The following ZFHX4 variants were observed in gnomAD, a reference collection of about 807,000 sequenced individuals.
ZFHX4 encodes the protein zinc finger homeobox protein 4.
In ZFHX4, 56 loss-of-function variants were observed where a neutral mutation model predicts 267.6. The observed-to-expected ratio is 0.21, with a 90% confidence interval of 0.17 to 0.26. ZFHX4 has a LOEUF of 0.26. Ranked by LOEUF, ZFHX4 falls within the 10% of genes least tolerant of loss-of-function variation. ZFHX4 has a pLI of 1.00. For synonymous variants in ZFHX4, 1,778 were observed against 1,665.6 expected, an observed-to-expected ratio of 1.07 and a Z score of -1.64; for missense variants, 4,332 against 4,420.0, an observed-to-expected ratio of 0.98 and a Z score of 0.56.
intron 10 of ZFHX4, among the ~76,000 whole-genome samples, chr8:76,862,347 G>T (rs13256114): frequency 1.3e-5 from 2 of 152,002 alleles, no homozygotes; most frequent in Admixed American, 1.3e-4. Flanking sequence ...ATGTTTTGGG[G>T]GTGGTAAAGT....
At chr8:76,731,508 C>T (rs749729234) in intron 3 of ZFHX4, among the ~76,000 whole-genome samples, 2 of 152,006 alleles carry the variant, frequency 1.3e-5, no homozygotes, top group African/African-American at 4.8e-5. Context: ...GACTGTGATG[C>T]GATGCAGCTA....
At chr8:76,683,912 G>T (rs1376908200) in intron 1 of ZFHX4, 2 of 151,870 alleles carry the variant, frequency 1.3e-5, no homozygotes, top group East Asian at 3.9e-4. Flanking sequence ...AGTGACACGG[G>T]CATCGATCGC....
At position 76,710,236 on chromosome 8, in the gene ZFHX4, T is replaced by C. The variant is rs555140847; in HGVS notation, c.3093+2188T>C. On this transcript the variant is annotated intron_variant, in intron 3 of 10. Coordinates refer to ENST00000651372, the MANE Select transcript of ZFHX4 (RefSeq NM_024721.5). ...GCTATTGAGACTTGGTATTAGAAAATTGAACTTTATTCTTTTGCATTTTCT... is the reference window on the plus strand; with the variant it reads ...GCTATTGAGACTTGGTATTAGAAAACTGAACTTTATTCTTTTGCATTTTCT... 5.3e-5 allele frequency among the ~76,000 whole-genome samples: 8 copies of C among 152,282 alleles called. No homozygotes were observed. In the East Asian group the frequency reaches 9.7e-4, roughly 18 times the overall value.
At chr8:76,779,764 T>G (rs1810500484) in intron 4 of ZFHX4, among the ~76,000 whole-genome samples, 1 of 152,172 alleles carries the variant, frequency 6.6e-6, no homozygotes, top group South Asian at 2.1e-4. Flanking sequence ...ATGACTGGGC[T>G]GCGTGCCACG....
At chr8:76,697,777 C>G (rs139731537) in intron 1 of ZFHX4, among the ~76,000 whole-genome samples, 1,555 of 151,942 alleles carry the variant, frequency 0.01, 12 homozygotes, top group Middle Eastern at 0.044. Flanking sequence ...ATCATAGTAC[C>G]TGATTGATTT....
Position 76,749,793 on chromosome 8 carries a change from C to T in ZFHX4, c.3094-28415C>T, listed in dbSNP as rs190860698. Among the ~76,000 whole-genome samples, 47 of 152,176 alleles carry T rather than the reference C, an allele frequency of 3.1e-4. No homozygotes were observed. The East Asian group carries it at 3.5e-3, about 11-fold the overall frequency. ...TGAGGATAGAGTAGGATTTATTGAG[C>T]GGAGCTAATTGCTAATTCAACACAA... is the stretch of plus-strand genomic sequence containing the variant. On this transcript the variant is annotated intron_variant, in intron 3 of 10. Transcript: ENST00000651372.
intron 1 of ZFHX4, among the ~76,000 whole-genome samples, chr8:76,690,076 T>C (rs999212417): frequency 6.6e-6 from 1 of 152,100 alleles, no homozygotes; most frequent in African/African-American, 2.4e-5. Context: ...CTAATGTTTG[T>C]CTGACTTGAG....
rs1046065179 is a variant in ZFHX4, at chr8:76,852,807, G to T, written c.5886G>T (p.Lys1962Asn). 1 of 1,613,662 alleles carries T rather than the reference G, an allele frequency of 6.2e-7. No homozygotes were observed. The highest frequency in any genetic ancestry group is 1.3e-5 in the African/African-American group (1 of 75,008). Residue 1962 changes from lysine to asparagine, a missense_variant, in exon 10 of 11, where the codon AAG (lysine) becomes AAT (asparagine). Transcript: ENST00000651372. ...TGTTTTCCAATGTTCTTATTTTAAA[G>T]AGTCACCAAGAACATGTACATGGGC... ...GKLFSNVLIL[K>N]SHQEHVHGQF...
Position 76,854,462 on chromosome 8 carries a change from T to C in ZFHX4, c.7541T>C (p.Met2514Thr). The change falls in exon 10 of 11, where the codon ATG (methionine) becomes ACG (threonine). Residue 2514 changes from methionine to threonine, a missense_variant. Around this residue, in one of 7 missense-constraint regions of ZFHX4, gnomAD observed 1,648 missense variants for 1,625.0 expected, o/e 1.01. Coordinates refer to ENST00000651372, the MANE Select transcript of ZFHX4 (RefSeq NM_024721.5). ...TLELWQEHQH[M>T]HFLAAQNQFL... ...GAACTCTGGCAGGAACACCAGCACATGCACTTCCTTGCTGCTCAAAACCAA... is the reference window on the plus strand; with the variant it reads ...GAACTCTGGCAGGAACACCAGCACACGCACTTCCTTGCTGCTCAAAACCAA... 1.2e-6 allele frequency: 2 copies of C among 1,613,972 alleles called. No homozygotes were observed. The highest frequency in any genetic ancestry group is 1.7e-6 in the Non-Finnish European group (2 of 1,179,878).
chr8:76,795,307 T>C (rs1459221328), intron 4 of ZFHX4, among the ~76,000 whole-genome samples: 4 of 152,148 alleles, frequency 2.6e-5, no homozygotes, highest in Non-Finnish European at 5.9e-5. Context: ...AGGATCTCAC[T>C]CTGTAGCCTA....
Position 76,706,589 on chromosome 8 carries a change from T to C in ZFHX4, c.2501T>C (p.Met834Thr). The C allele has an allele frequency of 1.9e-6, 3 of 1,610,706 alleles. No individual in the cohort carries two copies. Among genetic ancestry groups the C allele is most frequent in the Non-Finnish European group, 2.5e-6 (3 of 1,178,688 alleles). Residue 834 changes from methionine to threonine, a missense_variant, in exon 2 of 11, where the codon ATG (methionine) becomes ACG (threonine). Around this residue, in one of 7 missense-constraint regions of ZFHX4, gnomAD observed 1,195 missense variants for 1,173.6 expected, o/e 1.02. Coordinates refer to ENST00000651372, the MANE Select transcript of ZFHX4 (RefSeq NM_024721.5). ...YLAQNIGLTG[M>T]KLENPADPQL... ...GCCCAGAACATAGGCCTGACCGGAA[T>C]GAAGCTGGAAAACCCTGCCGACCCT...
chr8:76,730,441 C>T (rs1482509840), intron 3 of ZFHX4, among the ~76,000 whole-genome samples: 1 of 152,166 alleles, frequency 6.6e-6, no homozygotes, highest in Non-Finnish European at 1.5e-5. Context: ...TGGCTCATGC[C>T]TGTAATCCTA....
intron 4 of ZFHX4, among the ~76,000 whole-genome samples, chr8:76,803,972 CTT>C (rs944923898): frequency 4.6e-5 from 7 of 152,036 alleles, no homozygotes; most frequent in Admixed American, 3.3e-4. Context: ...ATAATTCAGA[CTT>C]AGAATTTTTG....
rs1467348938 is a variant in ZFHX4 at position 76,778,229 on chromosome 8, G to A, written c.3115G>A (p.Ala1039Thr). The change falls in exon 4 of 11, where the codon GCA (alanine) becomes ACA (threonine). Residue 1039 changes from alanine (A) to threonine (T), a missense_variant. Ala to Thr is a moderately conservative substitution (Grantham distance 58). Transcript: ENST00000651372. ...TCAGCACTTGCAGAAGCAAGAGGGT[G>A]CAGTGAATCCCGAATCCTGCTATTA... ...LYKHLQKQEG[A>T]VNPESCYYYC... 1.2e-6 allele frequency: 2 copies of A among 1,612,808 alleles called. No individual in the cohort carries two copies. The highest frequency in any genetic ancestry group is 1.7e-6 in the Non-Finnish European group (2 of 1,179,038).
chr8:76,750,720 T>A, intron 3 of ZFHX4, among the ~76,000 whole-genome samples: 1 of 152,134 alleles, frequency 6.6e-6, no homozygotes, highest in South Asian at 2.1e-4. Flanking sequence ...CTTCAACAAG[T>A]TTTTATTAAA....
Position 76,853,693 on chromosome 8 carries a change from C to A in ZFHX4, c.6772C>A (p.Gln2258Lys), listed in dbSNP as rs1586013802. The change falls in exon 10 of 11, where the codon CAA (glutamine) becomes AAA (lysine). Residue 2258 changes from glutamine (Q) to lysine (K), a missense_variant. Gln to Lys is a moderately conservative substitution (Grantham distance 53). Around this residue, in one of 7 missense-constraint regions of ZFHX4, gnomAD observed 62 missense variants for 69.8 expected, o/e 0.89. Transcript: ENST00000651372. ...NAYPKDDEIEQLSTVLNLPTR... is the reference protein window; with the variant it reads ...NAYPKDDEIEKLSTVLNLPTR... ...TTACCCAAAAGATGATGAAATAGAA[C>A]AACTCTCCACTGTTCTCAATCTGCC... The A allele has an allele frequency of 6.2e-7, 1 of 1,613,656 alleles. No homozygotes were observed. The highest frequency in any genetic ancestry group is 8.5e-7 in the Non-Finnish European group (1 of 1,179,774).
At chr8:76,830,055 T>TAA (rs1811894381) in intron 4 of ZFHX4, among the ~76,000 whole-genome samples, 1 of 152,148 alleles carries the variant, frequency 6.6e-6, no homozygotes, top group Admixed American at 6.5e-5. Flanking sequence ...ATCCCTGAAA[T>TAA]AAAACTGTGT....
chr8:76,720,279 T>C (rs1808684176), intron 3 of ZFHX4, among the ~76,000 whole-genome samples: 1 of 152,174 alleles, frequency 6.6e-6, no homozygotes, highest in Non-Finnish European at 1.5e-5. Context: ...ATGGGGTCCT[T>C]TGTGACTAGC....
chr8:76,835,834 C>T (rs991748405), intron 5 of ZFHX4, among the ~76,000 whole-genome samples: 11 of 152,038 alleles, frequency 7.2e-5, no homozygotes, highest in African/African-American at 2.4e-4. Flanking sequence ...TAAACAAAGA[C>T]ATCAAAATCT....
Sources: gnomAD v4.1 joint callset for allele counts (sites outside exome capture counted in the v4.1 genomes callset) on GRCh38, gnomAD v4.1.1 for gene constraint, gnomAD v4.1.1 regional missense constraint, MANE v1.5 for transcripts, NCBI Gene and HGNC (gene_info 2026-07-23, HGNC 2026-07-21) for gene names.